Variants in AGBL4 observed in about 807,000 individuals in gnomAD.
AGBL4 encodes AGBL carboxypeptidase 4, also known as cytosolic carboxypeptidase 6.
Under a neutral mutation model 66.4 loss-of-function variants are expected in AGBL4, and 58 were observed. The observed-to-expected ratio is 0.87, with a 90% confidence interval of 0.71 to 1.09. The LOEUF (loss-of-function observed/expected upper bound fraction) is 1.09. Among genes scored for constraint, AGBL4 ranks in the 50% least tolerant of loss-of-function variants. The pLI, the probability that AGBL4 is intolerant of heterozygous loss-of-function variation, is 0.00. For missense variants in AGBL4, 579 were observed against 631.0 expected (o/e 0.92, Z 0.88); for synonymous variants, 234 against 222.9 (o/e 1.05, Z -0.44).
intron 6 of AGBL4, among the ~76,000 whole-genome samples, chr1:48,766,376 T>C (rs951905603): frequency 6.6e-6 from 1 of 152,176 alleles, no homozygotes; most frequent in Non-Finnish European, 1.5e-5. Flanking sequence ...CCAGAATAAA[T>C]ACTGAATGAA....
chr1:48,846,381 G>GAAAT (rs1184297222), intron 6 of AGBL4, among the ~76,000 whole-genome samples: 1 of 147,720 alleles, frequency 6.8e-6, no homozygotes, highest in African/African-American at 2.5e-5. Flanking sequence ...AAGAAAGAAA[G>GAAAT]AAAGAAAGAA....
intron 3 of AGBL4, among the ~76,000 whole-genome samples, chr1:49,617,021 C>T (rs1429675122): frequency 6.6e-6 from 1 of 152,108 alleles, no homozygotes; most frequent in Non-Finnish European, 1.5e-5. Context: ...TCATGTAAAT[C>T]AGATGGTGCC....
chr1:48,806,057 C>T (rs1005222240), intron 6 of AGBL4, among the ~76,000 whole-genome samples: 1 of 152,080 alleles, frequency 6.6e-6, no homozygotes, highest in African/African-American at 2.4e-5. Flanking sequence ...AGAAACACAC[C>T]ATTCCAAATA....
chr1:49,559,572 G>T (rs1320444757), intron 3 of AGBL4, among the ~76,000 whole-genome samples: 1 of 152,154 alleles, frequency 6.6e-6, no homozygotes, highest in East Asian at 1.9e-4. Context: ...TGCCAGCACA[G>T]CTAGAAAAAG....
chr1:48,616,995 A>C (rs545080286), intron 9 of AGBL4, among the ~76,000 whole-genome samples: 3 of 152,220 alleles, frequency 2.0e-5, no homozygotes, highest in African/African-American at 7.2e-5. Flanking sequence ...CTACCCCCAA[A>C]GCACATCATA....
intron 6 of AGBL4, among the ~76,000 whole-genome samples, chr1:48,681,904 T>C (rs1232245217): frequency 1.3e-5 from 2 of 152,176 alleles, no homozygotes; most frequent in East Asian, 3.8e-4. Context: ...TCCAAATTCA[T>C]ATGTGGAAGT....
intron 6 of AGBL4, among the ~76,000 whole-genome samples, chr1:48,698,112 C>A (rs1646742785): frequency 6.6e-6 from 1 of 152,194 alleles, no homozygotes; most frequent in South Asian, 2.1e-4. Flanking sequence ...GCCATGGTGA[C>A]CCTCCACTCT....
intron 6 of AGBL4, among the ~76,000 whole-genome samples, chr1:48,710,052 C>T (rs1482266747): frequency 5.3e-5 from 8 of 152,176 alleles, no homozygotes; most frequent in Non-Finnish European, 1.2e-4. Flanking sequence ...GGTCAAATAG[C>T]TCCTAGGGTG....
chr1:50,010,003 C>T lies in AGBL4; in HGVS notation c.34+13760G>A, dbSNP rs141983704. Among the ~76,000 whole-genome samples the T allele has an allele frequency of 3.3e-5, 5 of 151,942 alleles. No homozygotes were observed. In the East Asian group the frequency reaches 5.8e-4, roughly 18 times the overall value. ...TATTGATCAAAGAAATTAAAGAGGA[C>T]GTCAAAAAATAAAAAGATATTCGGC... On this transcript the variant is annotated intron_variant, in intron 1 of 13. Coordinates refer to ENST00000371839, the MANE Select transcript of AGBL4 (RefSeq NM_032785.4).
intron 8 of AGBL4, among the ~76,000 whole-genome samples, chr1:48,646,738 A>G (rs928755191): frequency 6.6e-6 from 1 of 152,140 alleles, no homozygotes; most frequent in African/African-American, 2.4e-5. Flanking sequence ...CAGTGTATCA[A>G]GAGGTTAAAA....
intron 3 of AGBL4, among the ~76,000 whole-genome samples, chr1:49,575,474 C>T (rs112514427): frequency 0.022 from 3,420 of 152,288 alleles, 102 homozygotes; most frequent in African/African-American, 0.078. Flanking sequence ...AAATCAGAAA[C>T]AATATCAATC....
At chr1:48,648,674 G>A (rs1250225465) in intron 8 of AGBL4, among the ~76,000 whole-genome samples, 2 of 152,174 alleles carry the variant, frequency 1.3e-5, no homozygotes, top group Non-Finnish European at 2.9e-5. Context: ...GTTTCCCCAT[G>A]GCTGAAATGG....
At chr1:49,288,999 G>T (rs1644483348) in intron 3 of AGBL4, among the ~76,000 whole-genome samples, 1 of 150,572 alleles carries the variant, frequency 6.6e-6, no homozygotes, top group Admixed American at 6.6e-5. Context: ...TAACAAATGA[G>T]ACACACACAC....
chr1:49,495,048 G>A (rs534587391), intron 3 of AGBL4, among the ~76,000 whole-genome samples: 2 of 152,112 alleles, frequency 1.3e-5, no homozygotes, highest in South Asian at 4.2e-4. Context: ...CTTAATTAGA[G>A]TTCTATTGTC....
At position 49,542,896 on chromosome 1, in the gene AGBL4, C is replaced by CAAAAAAAAAA. The variant is rs35734647; in HGVS notation, c.282+154407_282+154416dup. 1.3e-4 allele frequency among the ~76,000 whole-genome samples: 3 copies of CAAAAAAAAAA among 22,888 alleles called. 1 individual carries two copies. The highest frequency in any genetic ancestry group is 4.1e-4 in the African/African-American group (2 of 4,902). 15.0% of individuals were successfully genotyped at this position (22,888 alleles called of 152,430 possible). On this transcript the variant is annotated intron_variant, in intron 3 of 13. Transcript: ENST00000371839. Reference sequence around the variant, plus strand: ...CCTGGGTGACAGAGTAAGACTCCATCAAAAAAAAAAAAAAAAAAAAAAAAA... The same window carrying CAAAAAAAAAA: ...CCTGGGTGACAGAGTAAGACTCCATCAAAAAAAAAAAAAAAAAAAAAAAAAAAAAAAAAAA...
intron 4 of AGBL4, among the ~76,000 whole-genome samples, chr1:49,089,163 G>A (rs1156529650): frequency 2.0e-5 from 3 of 151,046 alleles, no homozygotes; most frequent in Non-Finnish European, 4.4e-5. Flanking sequence ...AAGATCTCAA[G>A]TTAACCACCT....
At chr1:49,075,650 G>T (rs946516122) in intron 4 of AGBL4, among the ~76,000 whole-genome samples, 4 of 152,126 alleles carry the variant, frequency 2.6e-5, no homozygotes, top group Non-Finnish European at 4.4e-5. Flanking sequence ...GATAGTGCAG[G>T]CCAGCTATGC....
At chr1:49,725,726 C>T (rs1022868512) in intron 2 of AGBL4, among the ~76,000 whole-genome samples, 3 of 142,278 alleles carry the variant, frequency 2.1e-5, no homozygotes, top group Non-Finnish European at 3.0e-5. Flanking sequence ...GCTCTGTCTC[C>T]GAGGCTGGAG....
chr1:49,218,470 A>G (rs903293740), intron 4 of AGBL4, among the ~76,000 whole-genome samples: 12 of 152,156 alleles, frequency 7.9e-5, no homozygotes, highest in African/African-American at 2.7e-4. Context: ...TAGTCAGAAA[A>G]TGGAATCTCA....
Sources: gnomAD v4.1 joint callset for allele counts (sites outside exome capture counted in the v4.1 genomes callset) on GRCh38, gnomAD v4.1.1 for gene constraint, MANE v1.5 for transcripts, NCBI Gene and HGNC (gene_info 2026-07-23, HGNC 2026-07-21) for gene names.